CAMK4: variants seen among roughly 807,000 people sequenced by gnomAD.
The protein encoded by CAMK4 is calcium/calmodulin-dependent protein kinase type IV.
CAMK4 carries 22 observed loss-of-function variants against 44.9 expected under a neutral mutation model. The ratio of observed to expected loss-of-function variants is 0.49; its 90% CI spans 0.35 to 0.70. The LOEUF is 0.70. Ranked by LOEUF, CAMK4 falls within the 30% of genes least tolerant of loss-of-function variation. The probability of loss-of-function intolerance (pLI) is 0.01; values close to 1 mark genes in which losing one functional copy is unlikely to be tolerated. For synonymous variants in CAMK4, 218 were observed against 215.4 expected (o/e 1.01, Z -0.11); for missense variants, 498 against 586.8 (o/e 0.85, Z 1.56).
At chr5:111,330,894 G>C (rs1175590988) in intron 1 of CAMK4, among the ~76,000 whole-genome samples, 1 of 151,582 alleles carries the variant, frequency 6.6e-6, no homozygotes, top group Non-Finnish European at 1.5e-5. Flanking sequence ...TTCAATTAAA[G>C]GTGCTGGAAC....
At chr5:111,435,563 T>C (rs1270421938) in intron 5 of CAMK4, among the ~76,000 whole-genome samples, 12 of 152,156 alleles carry the variant, frequency 7.9e-5, no homozygotes, top group African/African-American at 2.9e-4. Context: ...AGCCTGTCTG[T>C]AGGGCCAAGG....
chr5:111,453,656 A>G (rs895355949), intron 7 of CAMK4, among the ~76,000 whole-genome samples: 8 of 152,204 alleles, frequency 5.3e-5, no homozygotes, highest in African/African-American at 9.7e-5. Context: ...AAAAAAAAGA[A>G]AAGTGTATTA....
At chr5:111,443,263 TATATATATATATATATACAC>T (rs1224887739) in intron 5 of CAMK4, among the ~76,000 whole-genome samples, 11 of 45,846 alleles carry the variant, frequency 2.4e-4, no homozygotes, top group East Asian at 3.0e-3. Context: ...TATATATATA[TATATATATATATATATACAC>T]ACACACACAC....
At chr5:111,376,793 A>G (rs306129) in intron 3 of CAMK4, 67 bp from the exon 4 acceptor site, 852,010 of 933,408 alleles carry the variant, frequency 0.91, 389,444 homozygotes, top group East Asian at 1. Context: ...TAGCCATAGT[A>G]TTAGCTATTT....
At chr5:111,332,204 A>G (rs1749197299) in intron 1 of CAMK4, among the ~76,000 whole-genome samples, 2 of 147,124 alleles carry the variant, frequency 1.4e-5, no homozygotes, top group African/African-American at 2.5e-5. Context: ...AGCATTAGGT[A>G]TATCTCCTAA....
At chr5:111,456,868 T>C (rs1267993142) in intron 7 of CAMK4, among the ~76,000 whole-genome samples, 1 of 152,188 alleles carries the variant, frequency 6.6e-6, no homozygotes, top group African/African-American at 2.4e-5. Flanking sequence ...TTGGAAATGA[T>C]TGGACAAAAG....
At chr5:111,419,658 A>C (rs558108547) in intron 5 of CAMK4, among the ~76,000 whole-genome samples, 1 of 152,196 alleles carries the variant, frequency 6.6e-6, no homozygotes, top group African/African-American at 2.4e-5. Context: ...AGCTTTCTAC[A>C]TATGGCTAGC....
chr5:111,322,014 T>A (rs1373844771), intron 1 of CAMK4, among the ~76,000 whole-genome samples: 1 of 151,992 alleles, frequency 6.6e-6, no homozygotes, highest in East Asian at 1.9e-4. Context: ...GGGGAGGACT[T>A]CTGCTTGTGA....
chr5:111,397,675 G>T (rs919622386), intron 5 of CAMK4, among the ~76,000 whole-genome samples: 55 of 133,530 alleles, frequency 4.1e-4, no homozygotes, highest in Non-Finnish European at 8.0e-4. Context: ...GTGTGTGTGT[G>T]TGTGTGTGTG....
intron 1 of CAMK4, among the ~76,000 whole-genome samples, chr5:111,262,885 G>T (rs951071735): frequency 6.6e-6 from 1 of 152,184 alleles, no homozygotes; most frequent in African/African-American, 2.4e-5. Context: ...TATTAAAGGT[G>T]AATGTATTTA....
intron 1 of CAMK4, among the ~76,000 whole-genome samples, chr5:111,291,712 A>T (rs781559970): frequency 1.3e-5 from 2 of 151,976 alleles, no homozygotes; most frequent in Non-Finnish European, 2.9e-5. Flanking sequence ...GGGTCTTGCT[A>T]TGTTGCACAG....
chr5:111,413,801 C>T (rs1011382294), intron 5 of CAMK4, among the ~76,000 whole-genome samples: 15 of 151,882 alleles, frequency 9.9e-5, no homozygotes, highest in Admixed American at 2.6e-4. Flanking sequence ...ACTACCAATA[C>T]GCTTAAAAAC....
At position 111,483,907 on chromosome 5, in the gene CAMK4, C is replaced by T. The variant is rs1232776718; in HGVS notation, c.982-119C>T. On this transcript the variant is annotated intron_variant, in intron 10 of 10. Coordinates refer to ENST00000282356, the MANE Select transcript of CAMK4 (RefSeq NM_001744.6). ...TGGCAAACAATCTAGGAATAAGGTA[C>T]TTTGAAAACTTTAACGCTAACCTAT... The T allele has an allele frequency of 6.4e-5, 43 of 669,890 alleles. 1 individual carries two copies. The highest frequency in any genetic ancestry group is 9.2e-5 in the Non-Finnish European group (39 of 425,062). The allele number at this position is 669,890 out of a possible 1,614,324, so 41.5% of individuals were successfully genotyped here.
intron 1 of CAMK4, among the ~76,000 whole-genome samples, chr5:111,319,386 G>A (rs910944096): frequency 6.6e-6 from 1 of 152,120 alleles, no homozygotes; most frequent in African/African-American, 2.4e-5. Flanking sequence ...TTTTGAACAA[G>A]ACATTAACTT....
chr5:111,313,347 A>T lies in CAMK4; in HGVS notation c.162-30677A>T, dbSNP rs1184229835. ...CTTCAGTTAACAGAATTAAAACTTG[A>T]GATGTTTTTTCCCTCTATTGAACGG... On this transcript the variant is annotated intron_variant, in intron 1 of 10. Coordinates refer to ENST00000282356, the MANE Select transcript of CAMK4 (RefSeq NM_001744.6). 3.3e-5 allele frequency among the ~76,000 whole-genome samples: 5 copies of T among 152,112 alleles called. No homozygotes were observed. The South Asian group carries it at 1.0e-3, about 31-fold the overall frequency.
intron 4 of CAMK4, among the ~76,000 whole-genome samples, chr5:111,378,254 C>T (rs1751288522): frequency 6.6e-6 from 1 of 152,102 alleles, no homozygotes; most frequent in South Asian, 2.1e-4. Context: ...ACAAAATCTT[C>T]TGGTGCCTTG....
intron 1 of CAMK4, among the ~76,000 whole-genome samples, chr5:111,343,041 A>C (rs1415460166): frequency 6.6e-6 from 1 of 151,538 alleles, no homozygotes; most frequent in Non-Finnish European, 1.5e-5. Context: ...TATTACCTTC[A>C]TTTATTCTAT....
intron 2 of CAMK4, among the ~76,000 whole-genome samples, chr5:111,367,316 C>A (rs1750828671): frequency 1.3e-5 from 2 of 151,740 alleles, no homozygotes; most frequent in South Asian, 2.1e-4. Context: ...CTATCTCACT[C>A]CCAGGATGAC....
At chr5:111,464,047 A>G (rs1450380710) in intron 7 of CAMK4, among the ~76,000 whole-genome samples, 2 of 152,138 alleles carry the variant, frequency 1.3e-5, no homozygotes, top group Non-Finnish European at 2.9e-5. Flanking sequence ...AAGCTAATCA[A>G]GGAGACACCA....
Sources: gnomAD v4.1 joint callset for allele counts (sites outside exome capture counted in the v4.1 genomes callset) on GRCh38, gnomAD v4.1.1 for gene constraint, MANE v1.5 for transcripts, NCBI Gene and HGNC (gene_info 2026-07-23, HGNC 2026-07-21) for gene names.